Variants in GALNT18 observed in about 807,000 individuals in gnomAD.
The protein encoded by GALNT18 is polypeptide N-acetylgalactosaminyltransferase 18.
GALNT18 carries 44 observed loss-of-function variants against 69.5 expected under a neutral mutation model. The ratio of observed to expected loss-of-function variants is 0.63; its 90% CI spans 0.50 to 0.81. The LOEUF (loss-of-function observed/expected upper bound fraction) is 0.81, where lower values mean the gene tolerates loss of function less well. Among genes scored for constraint, GALNT18 ranks in the 40% least tolerant of loss-of-function variants. The pLI, the probability that GALNT18 is intolerant of heterozygous loss-of-function variation, is 0.00. For missense variants in GALNT18, 715 were observed against 810.0 expected (o/e 0.88, Z 1.42); for synonymous variants, 364 against 318.2 (o/e 1.14, Z -1.53).
intron 1 of GALNT18, among the ~76,000 whole-genome samples, chr11:11,493,084 A>G (rs919388164): frequency 6.6e-6 from 1 of 151,806 alleles, no homozygotes; most frequent in Admixed American, 6.6e-5. Flanking sequence ...AGTATGGTGA[A>G]ACCCTGTCTT....
intron 1 of GALNT18, among the ~76,000 whole-genome samples, chr11:11,599,715 T>A (rs534659826): frequency 8.4e-4 from 128 of 152,166 alleles, no homozygotes; most frequent in African/African-American, 2.9e-3. Context: ...AATATTTTCT[T>A]GTACATTTTA....
intron 10 of GALNT18, among the ~76,000 whole-genome samples, chr11:11,282,583 A>G (rs1849104102): frequency 6.6e-6 from 1 of 152,136 alleles, no homozygotes; most frequent in Non-Finnish European, 1.5e-5. Flanking sequence ...CCTCGCTAGG[A>G]TGGTGGCCAG....
At chr11:11,276,056 T>C (rs566230077) in intron 10 of GALNT18, among the ~76,000 whole-genome samples, 7 of 152,280 alleles carry the variant, frequency 4.6e-5, no homozygotes, top group Non-Finnish European at 1.0e-4. Flanking sequence ...TAGTTTTCTC[T>C]AACTCTGTGA....
chr11:11,386,254 T>C (rs540351138), intron 3 of GALNT18, among the ~76,000 whole-genome samples: 1 of 152,306 alleles, frequency 6.6e-6, no homozygotes, highest in East Asian at 1.9e-4. Context: ...CCCAGGATGA[T>C]AGAGTCCAGG....
At chr11:11,499,916 A>T (rs947247000) in intron 1 of GALNT18, among the ~76,000 whole-genome samples, 4 of 152,054 alleles carry the variant, frequency 2.6e-5, no homozygotes, top group African/African-American at 9.7e-5. Context: ...GATAGACAAA[A>T]CCCTACCAAT....
At position 11,436,420 on chromosome 11, in the gene GALNT18, C is replaced by T; in HGVS notation, c.429-3633G>A. Among the ~76,000 whole-genome samples the T allele has an allele frequency of 6.6e-6, 1 of 152,130 alleles. No homozygotes were observed. The highest frequency in any genetic ancestry group is 1.9e-4 in the East Asian group (1 of 5,178). ...GGTGACAAGCTCATCCCAGTTTGCC[C>T]AGGACCTTCCCAGTTTCAGCACTGA... On this transcript the variant is annotated intron_variant, in intron 2 of 10. Transcript: ENST00000227756. The surrounding 1 kb of genome is among the most constrained non-coding windows in gnomAD (Gnocchi z 4.5).
chr11:11,536,359 C>T (rs1857772853), intron 1 of GALNT18, among the ~76,000 whole-genome samples: 1 of 152,162 alleles, frequency 6.6e-6, no homozygotes, highest in Non-Finnish European at 1.5e-5. Context: ...CTGGTAGGTC[C>T]AGGGCCAGGC....
intron 1 of GALNT18, among the ~76,000 whole-genome samples, chr11:11,608,128 A>G (rs1407668412): frequency 6.6e-6 from 1 of 152,188 alleles, no homozygotes; most frequent in African/African-American, 2.4e-5. Flanking sequence ...CTAACTTATG[A>G]CCATCTGAGG....
intron 1 of GALNT18, among the ~76,000 whole-genome samples, chr11:11,576,176 C>G (rs1858919352): frequency 6.6e-6 from 1 of 152,204 alleles, no homozygotes; most frequent in African/African-American, 2.4e-5. Context: ...CTGCCCTTCT[C>G]TAGCCAGAGT....
At chr11:11,322,606 C>T (rs924408430) in intron 9 of GALNT18, among the ~76,000 whole-genome samples, 1 of 152,164 alleles carries the variant, frequency 6.6e-6, no homozygotes, top group Admixed American at 6.5e-5. Flanking sequence ...GTACTATACA[C>T]CCACTACAAT....
chr11:11,343,342 C>A (rs950906940), intron 6 of GALNT18, among the ~76,000 whole-genome samples: 2 of 151,256 alleles, frequency 1.3e-5, no homozygotes, highest in Non-Finnish European at 2.9e-5. Flanking sequence ...AGAGTGAGAC[C>A]CTGTCTCAAA....
chr11:11,328,272 C>T (rs1030550332), intron 8 of GALNT18, among the ~76,000 whole-genome samples: 1 of 152,170 alleles, frequency 6.6e-6, no homozygotes, highest in African/African-American at 2.4e-5. Flanking sequence ...TCTGTGGTAC[C>T]TTTACCCCCC....
At chr11:11,290,250 T>A (rs1849273573) in intron 10 of GALNT18, among the ~76,000 whole-genome samples, 1 of 151,866 alleles carries the variant, frequency 6.6e-6, no homozygotes, top group Admixed American at 6.6e-5. Flanking sequence ...GACCCCGGGG[T>A]CATGGAGGAG....
chr11:11,274,900 G>C (rs534406087), intron 10 of GALNT18, among the ~76,000 whole-genome samples: 17 of 152,342 alleles, frequency 1.1e-4, no homozygotes, highest in African/African-American at 3.8e-4. Context: ...TGGCTGCATA[G>C]TGTTCCATGG....
intron 6 of GALNT18, among the ~76,000 whole-genome samples, chr11:11,348,440 A>T (rs1850342101): frequency 6.6e-6 from 1 of 152,036 alleles, no homozygotes; most frequent in Non-Finnish European, 1.5e-5. Flanking sequence ...CCAACACAAA[A>T]GCCAGAGGCC....
rs60442828 is a variant in GALNT18 at position 11,470,117 on chromosome 11, G to A, written c.236-21181C>T. Among the ~76,000 whole-genome samples the A allele has an allele frequency of 0.078, 11,939 of 152,238 alleles. 507 individuals carry two copies. The highest frequency in any genetic ancestry group is 0.086 in the Non-Finnish European group (5,876 of 68,018). ...GGGACACTTGGATGAGGATGGTTTTGAAGCTGTGACCAAGATGTTTCCCTG... is the reference window on the plus strand; with the variant it reads ...GGGACACTTGGATGAGGATGGTTTTAAAGCTGTGACCAAGATGTTTCCCTG... On this transcript the variant is annotated intron_variant, in intron 1 of 10. Coordinates refer to ENST00000227756, the MANE Select transcript of GALNT18 (RefSeq NM_198516.3). This position sits in a 1 kb window ranked among gnomAD's most constrained non-coding sequence, Gnocchi z 4.8.
chr11:11,506,972 C>T (rs556509338), intron 1 of GALNT18, among the ~76,000 whole-genome samples: 1 of 152,210 alleles, frequency 6.6e-6, no homozygotes, highest in Non-Finnish European at 1.5e-5. Flanking sequence ...CAAAACCCTT[C>T]AGGGTCGCTC....
At chr11:11,414,657 C>T (rs543715766) in intron 3 of GALNT18, among the ~76,000 whole-genome samples, 20 of 152,094 alleles carry the variant, frequency 1.3e-4, no homozygotes, top group Non-Finnish European at 2.9e-4. Context: ...GTAATAATTT[C>T]ATTTGTTTCT....
At chr11:11,328,802 G>C (rs895683211) in intron 8 of GALNT18, among the ~76,000 whole-genome samples, 2 of 152,166 alleles carry the variant, frequency 1.3e-5, no homozygotes, top group Admixed American at 6.5e-5. Flanking sequence ...GAAGAGGTGG[G>C]TGTCATATCT....
Sources: allele counts gnomAD v4.1 joint callset (sites outside exome capture counted in the v4.1 genomes callset), GRCh38; gene constraint gnomAD v4.1.1; non-coding constraint Gnocchi (gnomAD v3.1); transcripts MANE v1.5; gene names NCBI Gene and HGNC (gene_info 2026-07-23, HGNC 2026-07-21).